Variants in TFEC observed in about 807,000 individuals in gnomAD.
TFEC encodes transcription factor EC, also known as class E basic helix-loop-helix protein 34.
Under a neutral mutation model 41.6 loss-of-function variants are expected in TFEC, and 31 were observed. The ratio of observed to expected loss-of-function variants is 0.74; its 90% CI spans 0.56 to 1.01. The LOEUF is 1.01. Ranked by LOEUF, TFEC falls within the 50% of genes least tolerant of loss-of-function variation. The pLI, the probability that TFEC is intolerant of heterozygous loss-of-function variation, is 0.00. For missense variants in TFEC, 402 were observed against 404.1 expected, an observed-to-expected ratio of 0.99 and a Z score of 0.04; for synonymous variants, 143 against 140.6, an observed-to-expected ratio of 1.02 and a Z score of -0.12.
In TFEC at chr7:115,974,406, TTATATATATA is replaced by T. The variant is rs572119521; in HGVS notation, c.181-160_181-151del. On this transcript the variant is annotated intron_variant, in intron 2 of 7. Transcript: ENST00000265440. ...TATACATATATATAAAACCTCAATATTATATATATATATATATATATATATATATATATAT... is the reference window on the plus strand; with the variant it reads ...TATACATATATATAAAACCTCAATATTATATATATATATATATATATATAT... The T allele has an allele frequency of 2.1e-3, 135 of 65,008 alleles. 3 individuals carry two copies. The highest frequency in any genetic ancestry group is 5.0e-3 in the African/African-American group (89 of 17,924). 4.0% of individuals were successfully genotyped at this position (65,008 alleles called of 1,614,324 possible).
intron 1 of TFEC, among the ~76,000 whole-genome samples, chr7:116,134,130 T>A (rs1202177121): frequency 2.0e-5 from 3 of 152,120 alleles, no homozygotes; most frequent in Non-Finnish European, 4.4e-5. Flanking sequence ...GGTTTATGAA[T>A]AAGAATATTT....
intron 3 of TFEC, among the ~76,000 whole-genome samples, chr7:116,069,743 T>C (rs1305722328): frequency 6.6e-6 from 1 of 151,706 alleles, no homozygotes; most frequent in African/African-American, 2.4e-5. Flanking sequence ...ATGGGGTTCA[T>C]GGTTTCTTGT....
chr7:115,960,117 T>C (rs1352550844), intron 3 of TFEC, among the ~76,000 whole-genome samples: 1 of 151,104 alleles, frequency 6.6e-6, no homozygotes, highest in East Asian at 1.9e-4. Context: ...TGAAATAATA[T>C]ACAATAATAA....
intron 3 of TFEC, among the ~76,000 whole-genome samples, chr7:116,079,489 A>G (rs888576828): frequency 3.3e-5 from 5 of 152,136 alleles, no homozygotes; most frequent in Non-Finnish European, 7.4e-5. Context: ...ATGTTTCAGG[A>G]TACAAAACTC....
chr7:116,053,657 A>C (rs534771728), intron 3 of TFEC, among the ~76,000 whole-genome samples: 2 of 152,318 alleles, frequency 1.3e-5, no homozygotes, highest in African/African-American at 4.8e-5. Context: ...TTAAGAACAG[A>C]AAGAGAGACC....
intron 3 of TFEC, among the ~76,000 whole-genome samples, chr7:116,108,675 G>T (rs28716455): frequency 6.6e-6 from 1 of 151,770 alleles, no homozygotes; most frequent in Non-Finnish European, 1.5e-5. Flanking sequence ...ACCAACTATA[G>T]GAATATATCC....
intron 3 of TFEC, among the ~76,000 whole-genome samples, chr7:116,043,485 T>C (rs1177268371): frequency 6.6e-6 from 1 of 152,166 alleles, no homozygotes; most frequent in Non-Finnish European, 1.5e-5. Flanking sequence ...TAGAAAATAC[T>C]GAACTAAATC....
chr7:116,152,535 G>T (rs112001996), intron 1 of TFEC, among the ~76,000 whole-genome samples: 131 of 152,308 alleles, frequency 8.6e-4, no homozygotes, highest in African/African-American at 2.7e-3. Context: ...ACCAGGCAAT[G>T]ACTGGAAAGG....
At chr7:115,967,434 C>T (rs770101451) in intron 3 of TFEC, among the ~76,000 whole-genome samples, 18 of 151,698 alleles carry the variant, frequency 1.2e-4, no homozygotes, top group Non-Finnish European at 1.9e-4. Flanking sequence ...CTAGAGTGCA[C>T]AATGCATGCA....
chr7:116,146,518 A>G (rs1266580185), intron 1 of TFEC, among the ~76,000 whole-genome samples: 1 of 152,226 alleles, frequency 6.6e-6, no homozygotes, highest in Non-Finnish European at 1.5e-5. Context: ...CTAAGGCAAG[A>G]ATTCACATCA....
chr7:115,999,129 T>A (rs543808792), intron 1 of TFEC, among the ~76,000 whole-genome samples: 1 of 151,952 alleles, frequency 6.6e-6, no homozygotes, highest in Non-Finnish European at 1.5e-5. Flanking sequence ...ATATTGATAT[T>A]ATGTCAAGTA....
intron 1 of TFEC, among the ~76,000 whole-genome samples, chr7:116,002,422 G>A (rs1794633279): frequency 1.3e-5 from 2 of 152,138 alleles, no homozygotes; most frequent in African/African-American, 4.8e-5. Context: ...AATAAGTCAG[G>A]CACAGAAAGA....
At chr7:116,048,892 G>C (rs929868877) in intron 3 of TFEC, among the ~76,000 whole-genome samples, 14 of 152,172 alleles carry the variant, frequency 9.2e-5, no homozygotes, top group African/African-American at 3.4e-4. Context: ...AGCTTCAGAA[G>C]TGAAAGAGAA....
At chr7:116,060,330 A>C (rs1214573663) in intron 3 of TFEC, among the ~76,000 whole-genome samples, 1 of 151,926 alleles carries the variant, frequency 6.6e-6, no homozygotes, top group Non-Finnish European at 1.5e-5. Flanking sequence ...TAAAAGCAGA[A>C]CTACCATTCG....
intron 1 of TFEC, among the ~76,000 whole-genome samples, chr7:116,025,978 A>G (rs182732166): frequency 1.1e-3 from 168 of 152,366 alleles, no homozygotes; most frequent in Non-Finnish European, 1.7e-3. Flanking sequence ...TTTAAAACTA[A>G]TAACTCCAGT....
chr7:116,103,671 G>A (rs913343078), intron 3 of TFEC, among the ~76,000 whole-genome samples: 2 of 152,006 alleles, frequency 1.3e-5, no homozygotes, highest in South Asian at 2.1e-4. Context: ...GTAGAGACAC[G>A]GTTATTCATT....
chr7:115,993,661 G>A (rs1029223579), intron 1 of TFEC, among the ~76,000 whole-genome samples: 3 of 152,140 alleles, frequency 2.0e-5, no homozygotes, highest in African/African-American at 7.2e-5. Flanking sequence ...TGTTGCGAAG[G>A]ACCTCTTCAA....
intron 3 of TFEC, among the ~76,000 whole-genome samples, chr7:116,066,291 CA>C (rs1191410729): frequency 9.9e-5 from 15 of 152,122 alleles, no homozygotes; most frequent in Non-Finnish European, 1.3e-4. Context: ...CACAAATATG[CA>C]GTACCTTGGT....
intron 3 of TFEC, among the ~76,000 whole-genome samples, chr7:116,054,497 C>A (rs1796383791): frequency 6.6e-6 from 1 of 152,098 alleles, no homozygotes; most frequent in African/African-American, 2.4e-5. Flanking sequence ...CAAGACAGAA[C>A]TAGTTTTGAA....
Sources: allele counts gnomAD v4.1 joint callset (sites outside exome capture counted in the v4.1 genomes callset), GRCh38; gene constraint gnomAD v4.1.1; transcripts MANE v1.5; gene names NCBI Gene and HGNC (gene_info 2026-07-23, HGNC 2026-07-21).